ASPM: variants seen among roughly 807,000 people sequenced by gnomAD.
The protein encoded by ASPM is assembly factor for spindle microtubules, also known as abnormal spindle-like microcephaly-associated protein.
Under a neutral mutation model 366.4 loss-of-function variants are expected in ASPM, and 256 were observed. That is an observed-to-expected ratio of 0.70 (90% CI 0.63 to 0.77). The LOEUF is 0.77. Among genes scored for constraint, ASPM ranks in the 30% least tolerant of loss-of-function variants. ASPM has a pLI of 0.00. For missense variants in ASPM, 4,146 were observed against 4,090.4 expected (o/e 1.01, Z -0.37); for synonymous variants, 1,414 against 1,342.9 (o/e 1.05, Z -1.16).
In ASPM at chr1:197,101,657, G is replaced by A; in HGVS notation, c.7594C>T (p.His2532Tyr). 6.2e-7 allele frequency: 1 copy of A among 1,611,918 alleles called. No individual in the cohort carries two copies. The highest frequency in any genetic ancestry group is 2.2e-5 in the East Asian group (1 of 44,792). ...LQRENYIRQW[H>Y]SAVVIQAAYK... Reference sequence around the variant, plus strand: ...GCAGCCTGAATAACCACAGCAGAATGCCATTGTCTGATATAATTTTCTCTT... The same window carrying A: ...GCAGCCTGAATAACCACAGCAGAATACCATTGTCTGATATAATTTTCTCTT... The change falls in exon 18 of 28, where the codon CAT (histidine) becomes TAT (tyrosine). Residue 2532 changes from histidine to tyrosine, a missense_variant. His to Tyr is a moderately conservative substitution (Grantham distance 83). Around this residue, in one of 3 missense-constraint regions of ASPM, gnomAD observed 3,624 missense variants for 3,591.7 expected, o/e 1.01. Coordinates refer to ENST00000367409, the MANE Select transcript of ASPM (RefSeq NM_018136.5).
chr1:197,131,183 T>C (rs1369803444), intron 7 of ASPM, among the ~76,000 whole-genome samples: 1 of 152,202 alleles, frequency 6.6e-6, no homozygotes, highest in Non-Finnish European at 1.5e-5. Flanking sequence ...CCTCAATTTA[T>C]TGGTATATAA....
intron 27 of ASPM, among the ~76,000 whole-genome samples, chr1:197,086,536 C>T (rs1040144382): frequency 6.6e-6 from 1 of 152,138 alleles, no homozygotes; most frequent in Admixed American, 6.5e-5. Flanking sequence ...AATGACAAAA[C>T]TTATAACAAG....
rs375901171 is a variant in ASPM at position 197,133,493 on chromosome 1, C to A, written c.2276G>T (p.Arg759Leu). 2 of 1,613,908 alleles carry A rather than the reference C, an allele frequency of 1.2e-6. No homozygotes were observed. The highest frequency in any genetic ancestry group is 1.1e-5 in the South Asian group (1 of 91,074). ...ACGACGTAGTCTGTTTAACCTACAC[C>A]GAGCAGTATAAGCTCTGAGAGACAT... is the stretch of plus-strand genomic sequence containing the variant. Reference protein sequence around the residue: ...EEMSLRAYTARCRLNRLRRAA... With the variant: ...EEMSLRAYTALCRLNRLRRAA... Residue 759 changes from arginine (R) to leucine (L), a missense_variant, in exon 6 of 28, where the codon CGG (arginine) becomes CTG (leucine). By Grantham distance (102) the Arg-to-Leu change is moderately radical. Around this residue, in one of 3 missense-constraint regions of ASPM, gnomAD observed 3,624 missense variants for 3,591.7 expected, o/e 1.01. Coordinates refer to ENST00000367409, the MANE Select transcript of ASPM (RefSeq NM_018136.5).
chr1:197,113,039 A>G (rs988311307), intron 17 of ASPM, among the ~76,000 whole-genome samples: 7 of 152,336 alleles, frequency 4.6e-5, no homozygotes, highest in Non-Finnish European at 1.0e-4. Flanking sequence ...CCATGCAGCC[A>G]TAAAAAAAAT....
rs1657144094 is a variant in ASPM at position 197,100,944 on chromosome 1, A to G, written c.8307T>C (p.Ile2769=). Residue 2769 remains isoleucine (I), a synonymous_variant, in exon 18 of 28, where the codon ATT becomes ATC. Coordinates refer to ENST00000367409, the MANE Select transcript of ASPM (RefSeq NM_018136.5). The part of the protein sequence containing the change: ...KNVSEEKMAA[I]VNQSALCCYR... Reference sequence around the variant, plus strand: ...AACAGCAGAGTGCAGATTGGTTAACAATGGCTGCCATCTTTTCCTCTGATA... The same window carrying G: ...AACAGCAGAGTGCAGATTGGTTAACGATGGCTGCCATCTTTTCCTCTGATA... The G allele has an allele frequency of 1.2e-6, 2 of 1,612,668 alleles. No individual in the cohort carries two copies. The highest frequency in any genetic ancestry group is 1.1e-5 in the South Asian group (1 of 91,060).
chr1:197,116,076 T>C (rs1469121457), intron 17 of ASPM, among the ~76,000 whole-genome samples: 1 of 152,214 alleles, frequency 6.6e-6, no homozygotes, highest in Admixed American at 6.5e-5. Flanking sequence ...TAGCCACTTT[T>C]ATTAATGATC....
At position 197,146,349 on chromosome 1, in the gene ASPM, T is replaced by G. The variant is rs1275587021; in HGVS notation, c.89A>C (p.Glu30Ala). The change falls in exon 1 of 28, where the codon GAG becomes GCG. Residue 30 changes from glutamate to alanine, a missense_variant. This residue lies in a region of ASPM where 512 missense variants were observed against 471.7 expected (regional missense o/e 1.09). Coordinates refer to ENST00000367409, the MANE Select transcript of ASPM (RefSeq NM_018136.5). ...PPAGLRGPAA[E>A]EEASSPPVLS... is the part of the protein sequence containing the mutation. ...GACCGGCGGGGAAGACGCCTCCTCC[T>G]CGGCCGCGGGGCCCCGCAGCCCCGC... The G allele has an allele frequency of 1.9e-6, 3 of 1,611,472 alleles. No individual in the cohort carries two copies. Among genetic ancestry groups the G allele is most frequent in the South Asian group, 2.2e-5 (2 of 91,062 alleles).
At chr1:197,121,690 C>G (rs1243156987) in intron 16 of ASPM, among the ~76,000 whole-genome samples, 1 of 152,100 alleles carries the variant, frequency 6.6e-6, no homozygotes. Context: ...CTGGAACAGA[C>G]TAGGTGAAGG....
At chr1:197,105,751 A>T (rs1657388982) in intron 17 of ASPM, among the ~76,000 whole-genome samples, 1 of 152,048 alleles carries the variant, frequency 6.6e-6, no homozygotes, top group Non-Finnish European at 1.5e-5. Flanking sequence ...TTTAGGAACT[A>T]TAAATACATG....
At position 197,103,515 on chromosome 1, in the gene ASPM, C is replaced by G; in HGVS notation, c.5736G>C (p.Lys1912Asn). 6.2e-7 allele frequency: 1 copy of G among 1,613,148 alleles called. No homozygotes were observed. Among genetic ancestry groups the G allele is most frequent in the Non-Finnish European group, 8.5e-7 (1 of 1,179,488 alleles). Residue 1912 changes from lysine to asparagine, a missense_variant, in exon 18 of 28, where the codon AAG becomes AAC. Transcript: ENST00000367409. The part of the protein sequence containing the change: ...LKIQSAFRMA[K>N]AQKQFRLFKT... ...TAAACAATCTAAACTGTTTCTGGGC[C>G]TTGGCCATTCTAAAAGCAGACTGAA...
intron 17 of ASPM, among the ~76,000 whole-genome samples, chr1:197,111,256 C>T (rs1436645701): frequency 6.6e-6 from 1 of 151,882 alleles, no homozygotes; most frequent in East Asian, 1.9e-4. Flanking sequence ...CAAATAACCC[C>T]ACTAAAAAAT....
In ASPM at chr1:197,146,525, T is replaced by C; in HGVS notation, c.-88A>G. The C allele has an allele frequency of 6.8e-7, 1 of 1,461,744 alleles. No homozygotes were observed. The highest frequency in any genetic ancestry group is 9.4e-7 in the Non-Finnish European group (1 of 1,065,848). The allele number at this position is 1,461,744 out of a possible 1,614,324, so 90.5% of individuals were successfully genotyped here. Reference sequence around the variant, plus strand: ...GGATCCGGGACTTACGCTGACCGCTTCCCCTCAGGGGCGGCTGTAGAGGTC... The same window carrying C: ...GGATCCGGGACTTACGCTGACCGCTCCCCCTCAGGGGCGGCTGTAGAGGTC... On this transcript the variant is annotated 5_prime_UTR_variant, in exon 1 of 28. Transcript: ENST00000367409.
intron 18 of ASPM, among the ~76,000 whole-genome samples, chr1:197,097,852 T>C (rs555253117): frequency 6.6e-6 from 1 of 151,628 alleles, no homozygotes; most frequent in Non-Finnish European, 1.5e-5. Flanking sequence ...GTGGCAGTTA[T>C]AAGTTACTAG....
In ASPM at chr1:197,142,297, G is replaced by A. The variant is rs771328842; in HGVS notation, c.1921+34C>T. On this transcript the variant is annotated intron_variant, in intron 3 of 27. Transcript: ENST00000367409. ...CCAAAAGGAAGTATCCCCTTTACAG[G>A]TATACTTCAGTAGATTTTATAAACA... 3.7e-6 allele frequency: 6 copies of A among 1,602,418 alleles called. No homozygotes were observed. In the South Asian group the frequency reaches 5.5e-5, roughly 15 times the overall value.
intron 22 of ASPM, 95 bp from the exon 23 acceptor site, chr1:197,091,136 A>G: frequency 9.3e-7 from 1 of 1,076,166 alleles, no homozygotes; most frequent in South Asian, 1.4e-5. Context: ...AAAGAAATAG[A>G]ACAGTATATC....
intron 18 of ASPM, among the ~76,000 whole-genome samples, 199 bp downstream of exon 18, chr1:197,100,232 C>T (rs1361952294): frequency 2.0e-5 from 3 of 151,660 alleles, no homozygotes; most frequent in African/African-American, 7.3e-5. Flanking sequence ...ATGGCCAGAA[C>T]AATCCCCGTT....
chr1:197,124,634 A>C (rs1658026785), intron 12 of ASPM, among the ~76,000 whole-genome samples: 1 of 151,892 alleles, frequency 6.6e-6, no homozygotes, highest in Non-Finnish European at 1.5e-5. Flanking sequence ...CAGTTTCCTC[A>C]TCTGAGAGGT....
At chr1:197,091,376 A>G (rs1656782775) in intron 22 of ASPM, among the ~76,000 whole-genome samples, 1 of 152,068 alleles carries the variant, frequency 6.6e-6, no homozygotes, top group South Asian at 2.1e-4. Context: ...GTTAATGTAT[A>G]TAAACAAATA....
chr1:197,104,568 T>A lies in ASPM; in HGVS notation c.4683A>T (p.Arg1561Ser). ...AGTATGACTGAATAACACAAGCAGC[T>A]CTAATTTGTCTACATAAATTATGAG... The part of the protein sequence containing the change: ...LKAHNLCRQI[R>S]AACVIQSYWR... Residue 1561 changes from arginine to serine, a missense_variant, in exon 18 of 28, where the codon AGA becomes AGT. Physicochemically the swap from Arg to Ser is moderately radical, Grantham distance 110. Around this residue, in one of 3 missense-constraint regions of ASPM, gnomAD observed 3,624 missense variants for 3,591.7 expected, o/e 1.01. Transcript: ENST00000367409. The A allele has an allele frequency of 1.2e-6, 2 of 1,612,890 alleles. No individual in the cohort carries two copies.
Sources: allele counts gnomAD v4.1 joint callset (sites outside exome capture counted in the v4.1 genomes callset), GRCh38; gene constraint gnomAD v4.1.1; regional missense constraint gnomAD v4.1.1; transcripts MANE v1.5; gene names NCBI Gene and HGNC (gene_info 2026-07-23, HGNC 2026-07-21).